The following TEKT4 variants were observed in gnomAD, a reference collection of about 807,000 sequenced individuals.
TEKT4 encodes the protein tektin-4.
Under a neutral mutation model 46.0 loss-of-function variants are expected in TEKT4, and 46 were observed. The observed-to-expected ratio is 1.00, with a 90% CI of 0.79 to 1.28. The LOEUF (loss-of-function observed/expected upper bound fraction) is 1.28. TEKT4 is among the 50% of genes most tolerant of loss of function. The pLI, the probability that TEKT4 is intolerant of heterozygous loss-of-function variation, is 0.00. For synonymous variants in TEKT4, 325 were observed against 265.8 expected, an observed-to-expected ratio of 1.22 and a Z score of -2.17; for missense variants, 790 against 622.9, an observed-to-expected ratio of 1.27 and a Z score of -2.85.
At position 94,874,962 on chromosome 2, in the gene TEKT4, G is replaced by C. The variant is rs1553395936; in HGVS notation, c.900G>C (p.Glu300Asp). 1.2e-6 allele frequency: 2 copies of C among 1,610,456 alleles called. No individual in the cohort carries two copies. Among genetic ancestry groups the C allele is most frequent in the East Asian group, 4.5e-5 (2 of 44,786 alleles). Residue 300 changes from glutamate to aspartate, a missense_variant, in exon 4 of 6, where the codon GAG becomes GAC. Glu to Asp is a conservative substitution (Grantham distance 45). Coordinates refer to ENST00000295201, the MANE Select transcript of TEKT4 (RefSeq NM_144705.4). ...TCGGGCGCCGCTGTGAGGAGCTGGAGGACGCGCGGTACAAGCTGCATCACC... is the reference window on the plus strand; with the variant it reads ...TCGGGCGCCGCTGTGAGGAGCTGGACGACGCGCGGTACAAGCTGCATCACC... ...LAFGRRCEELEDARYKLHHHL... is the reference protein window; with the variant it reads ...LAFGRRCEELDDARYKLHHHL...
chr2:94,875,495 A>G, intron 4 of TEKT4, 93 bp from the exon 5 acceptor site: 1 of 1,571,106 alleles, frequency 6.4e-7, no homozygotes. Flanking sequence ...CTCTGGACAC[A>G]GCCCCAAGAC....
intron 1 of TEKT4, 111 bp downstream of exon 1, chr2:94,872,188 G>C: frequency 7.2e-7 from 1 of 1,381,094 alleles, no homozygotes; most frequent in Non-Finnish European, 9.5e-7. Context: ...CGGGAGCCCA[G>C]CCCTCTGCAC....
chr2:94,875,578 C>T lies in TEKT4; in HGVS notation c.937-10C>T. Reference sequence around the variant, plus strand: ...GGGCACAGGCCCAAGGAGAACTGTCCTGTCTGCAGACACTGCGGGAAATCA... The same window carrying T: ...GGGCACAGGCCCAAGGAGAACTGTCTTGTCTGCAGACACTGCGGGAAATCA... On this transcript the variant is annotated splice_polypyrimidine_tract_variant and intron_variant, in intron 4 of 5. Transcript: ENST00000295201. 12 of 1,614,080 alleles carry T rather than the reference C, an allele frequency of 7.4e-6. No individual in the cohort carries two copies. The highest frequency in any genetic ancestry group is 1.0e-5 in the Non-Finnish European group (12 of 1,179,910).
At position 94,876,789 on chromosome 2, in the gene TEKT4, C is replaced by G. The variant is rs781954913; in HGVS notation, c.*20C>G. 6.3e-7 allele frequency: 1 copy of G among 1,595,852 alleles called. No individual in the cohort carries two copies. Among genetic ancestry groups the G allele is most frequent in the African/African-American group, 1.3e-5 (1 of 74,734 alleles). On this transcript the variant is annotated 3_prime_UTR_variant, in exon 6 of 6. Transcript: ENST00000295201. ...CAGTGAGCAGCGGCACGGTGCTTCC[C>G]CCCAGTCCCCCAAATAAACAGCGCG...
At chr2:94,876,127 G>A (rs1404075501) in intron 5 of TEKT4, among the ~76,000 whole-genome samples, 1 of 152,230 alleles carries the variant, frequency 6.6e-6, no homozygotes, top group South Asian at 2.1e-4. Context: ...TGGGAAGTAT[G>A]ACCTACGCCT....
chr2:94,875,524 G>C lies in TEKT4; in HGVS notation c.937-64G>C. 4 of 1,600,622 alleles carry C rather than the reference G, an allele frequency of 2.5e-6. No individual in the cohort carries two copies. In the Admixed American group the frequency reaches 5.0e-5, roughly 20 times the overall value. On this transcript the variant is annotated intron_variant, in intron 4 of 5. Coordinates refer to ENST00000295201, the MANE Select transcript of TEKT4 (RefSeq NM_144705.4). ...CCAAGACCTGGGTAGGACCAGCCTG[G>C]TCTCGGCGTTCTATATACCCGGGCA...
At position 94,874,815 on chromosome 2, in the gene TEKT4, C is replaced by T; in HGVS notation, c.753C>T (p.Asp251=). 1 of 1,601,736 alleles carries T rather than the reference C, an allele frequency of 6.2e-7. No individual in the cohort carries two copies. The highest frequency in any genetic ancestry group is 8.5e-7 in the Non-Finnish European group (1 of 1,175,602). The change falls in exon 4 of 6, where the codon GAC becomes GAT. Residue 251 remains aspartate (D), a synonymous_variant. Transcript: ENST00000295201. ...AGACCCGGGCCAAGTTCACGCAGGA[C>T]AATCTGTGCCGTGCCCAGCGCGAGC... ...TPETRAKFTQ[D]NLCRAQRERL... is the part of the protein sequence containing the mutation.
At position 94,871,885 on chromosome 2, in the gene TEKT4, G is replaced by C. The variant is rs17802433; in HGVS notation, c.306G>C (p.Lys102Asn). Residue 102 changes from lysine to asparagine, a missense_variant, in exon 1 of 6, where the codon AAG (lysine) becomes AAC (asparagine). Coordinates refer to ENST00000295201, the MANE Select transcript of TEKT4 (RefSeq NM_144705.4). ...GACTGCAGGACACGCACAGCTGGAA[G>C]TCGGAGCTGCAGCGTGAGATGGAGG... Reference protein sequence around the residue: ...GERLQDTHSWKSELQREMEAL... With the variant: ...GERLQDTHSWNSELQREMEAL... 6.3e-7 allele frequency: 1 copy of C among 1,598,072 alleles called. No homozygotes were observed. The highest frequency in any genetic ancestry group is 8.5e-7 in the Non-Finnish European group (1 of 1,175,972).
chr2:94,872,199 G>A (rs1553394874), intron 1 of TEKT4, 122 bp downstream of exon 1: 33 of 1,306,832 alleles, frequency 2.5e-5, no homozygotes, highest in Admixed American at 5.7e-5. Flanking sequence ...CCCTCTGCAC[G>A]TGAGACCCCT....
rs782497062 is a variant in TEKT4, at chr2:94,871,741, G to A, written c.162G>A (p.Gln54=). 6.2e-7 allele frequency: 1 copy of A among 1,612,632 alleles called. No homozygotes were observed. Among genetic ancestry groups the A allele is most frequent in the South Asian group, 1.1e-5 (1 of 91,084 alleles). Reference sequence around the variant, plus strand: ...AGAACTGCTATGCTCGCTACCACCAGGCCTTCGCCGACCGCGACCAGTCGG... The same window carrying A: ...AGAACTGCTATGCTCGCTACCACCAAGCCTTCGCCGACCGCGACCAGTCGG... ...WFQNCYARYH[Q]AFADRDQSER... The change falls in exon 1 of 6, where the codon CAG becomes CAA. Residue 54 remains glutamine (Q), a synonymous_variant. Transcript: ENST00000295201.
intron 5 of TEKT4, among the ~76,000 whole-genome samples, chr2:94,876,222 C>T (rs1420044654): frequency 2.0e-5 from 3 of 152,172 alleles, no homozygotes; most frequent in African/African-American, 4.8e-5. Context: ...TTCTTCTTTC[C>T]CTGCCCCTCA....
chr2:94,872,436 G>C, intron 1 of TEKT4: 1 of 391,744 alleles, frequency 2.6e-6, no homozygotes, highest in South Asian at 2.8e-5. Flanking sequence ...CAGCACTGCA[G>C]GTGTGGACAG....
rs782223366 is a variant in TEKT4 at position 94,874,763 on chromosome 2, C to T, written c.714-13C>T. On this transcript the variant is annotated splice_polypyrimidine_tract_variant and intron_variant, in intron 3 of 5. Coordinates refer to ENST00000295201, the MANE Select transcript of TEKT4 (RefSeq NM_144705.4). ...CCTCCCCGACCCTCTCCTGGCTGTC[C>T]CCCGCCCCGCAGCGCCTCCACCCCG... The T allele has an allele frequency of 1.5e-5, 23 of 1,549,534 alleles. No homozygotes were observed. Among genetic ancestry groups the T allele is most frequent in the Non-Finnish European group, 2.0e-5 (23 of 1,150,236 alleles).
intron 1 of TEKT4, 41 bp downstream of exon 1, chr2:94,872,118 G>T: frequency 6.8e-7 from 1 of 1,480,256 alleles, no homozygotes; most frequent in South Asian, 1.3e-5. Context: ...TGGGCGCAGA[G>T]AGGAGGAGCC....
intron 4 of TEKT4, 37 bp downstream of exon 4, chr2:94,875,035 A>G: frequency 1.3e-6 from 2 of 1,538,812 alleles, no homozygotes; most frequent in Non-Finnish European, 1.8e-6. Flanking sequence ...GCCCCCTCTC[A>G]TCACCTGGCC....
intron 4 of TEKT4, among the ~76,000 whole-genome samples, chr2:94,875,253 G>C (rs1680791761): frequency 6.6e-6 from 1 of 152,192 alleles, no homozygotes; most frequent in Non-Finnish European, 1.5e-5. Flanking sequence ...AGGTCCCCAA[G>C]AGTCCTGGCC....
intron 3 of TEKT4, 65 bp from the exon 4 acceptor site, chr2:94,874,711 C>A: frequency 7.1e-7 from 1 of 1,416,408 alleles, no homozygotes; most frequent in Non-Finnish European, 9.4e-7. Context: ...CATGGGGGCG[C>A]AGCAGGGCTC....
At position 94,876,600 on chromosome 2, in the gene TEKT4, G is replaced by A. The variant is rs200584220; in HGVS notation, c.1139G>A (p.Arg380Gln). The A allele has an allele frequency of 2.6e-4, 425 of 1,611,562 alleles. 4 individuals carry two copies. The Middle Eastern group carries it at 3.0e-3, about 11-fold the overall frequency. The change falls in exon 6 of 6, where the codon CGA becomes CAA. Residue 380 changes from arginine (R) to glutamine (Q), a missense_variant. Coordinates refer to ENST00000295201, the MANE Select transcript of TEKT4 (RefSeq NM_144705.4). ...EELNMSLTAL[R>Q]EKLLEAEQSL... ...CTGAACATGTCCCTCACAGCACTGC[G>A]AGAGAAGCTTCTAGAAGCGGAGCAG...
intron 2 of TEKT4, 91 bp from the exon 3 acceptor site, chr2:94,873,874 G>C: frequency 6.5e-7 from 1 of 1,540,954 alleles, no homozygotes; most frequent in South Asian, 1.2e-5. Flanking sequence ...TCCCTCCTGA[G>C]GCAGGCATTG....
Sources: gnomAD v4.1 joint callset for allele counts (sites outside exome capture counted in the v4.1 genomes callset) on GRCh38, gnomAD v4.1.1 for gene constraint, MANE v1.5 for transcripts, NCBI Gene and HGNC (gene_info 2026-07-23, HGNC 2026-07-21) for gene names.